CASP5: variants seen among roughly 807,000 people sequenced by gnomAD.
CASP5 encodes the protein caspase 5, also known as caspase-5.
Under a neutral mutation model 45.2 loss-of-function variants are expected in CASP5, and 42 were observed. The observed-to-expected ratio is 0.93, with a 90% CI of 0.73 to 1.20. The LOEUF is 1.20. CASP5 is among the 50% of genes most tolerant of loss of function. CASP5 has a pLI of 0.00. For missense variants in CASP5, 512 were observed against 532.2 expected, an observed-to-expected ratio of 0.96 and a Z score of 0.37; for synonymous variants, 209 against 186.2, an observed-to-expected ratio of 1.12 and a Z score of -1.00.
chr11:105,021,783 C>T (rs1202687585), intron 1 of CASP5, among the ~76,000 whole-genome samples: 2 of 150,282 alleles, frequency 1.3e-5, no homozygotes, highest in African/African-American at 4.9e-5. Context: ...CTAGAAATAC[C>T]ATTTGACCCA....
At chr11:105,007,735 C>T (rs1437960940) in intron 2 of CASP5, among the ~76,000 whole-genome samples, 1 of 152,106 alleles carries the variant, frequency 6.6e-6, no homozygotes, top group African/African-American at 2.4e-5. Context: ...CTAGACTATA[C>T]AATCTTGCCT....
At chr11:105,002,338 C>G in intron 4 of CASP5, 137 bp from the exon 5 acceptor site, 2 of 661,800 alleles carry the variant, frequency 3.0e-6, no homozygotes, top group Non-Finnish European at 5.3e-6. Context: ...CTGCCTTCCT[C>G]TCTCTCAAGA....
chr11:105,020,261 C>T (rs1248210519), intron 1 of CASP5, among the ~76,000 whole-genome samples: 2 of 151,326 alleles, frequency 1.3e-5, no homozygotes, highest in Non-Finnish European at 2.9e-5. Context: ...CAGGGATGCC[C>T]TCTCTCACCA....
At chr11:105,000,614 A>G in intron 5 of CASP5, 119 bp from the exon 6 acceptor site, 1 of 873,984 alleles carries the variant, frequency 1.1e-6, no homozygotes, top group Non-Finnish European at 1.8e-6. Context: ...TGCTTCACAT[A>G]GCGCTTACTC....
intron 1 of CASP5, among the ~76,000 whole-genome samples, chr11:105,016,711 C>T (rs1463896490): frequency 3.3e-5 from 5 of 152,206 alleles, no homozygotes; most frequent in African/African-American, 9.7e-5. Flanking sequence ...AACTGCAAGG[C>T]AGCAGCGAGG....
At chr11:104,996,012 C>T (rs909148450) in intron 8 of CASP5, among the ~76,000 whole-genome samples, 170 bp from the exon 9 acceptor site, 3 of 152,118 alleles carry the variant, frequency 2.0e-5, no homozygotes, top group African/African-American at 7.2e-5. Context: ...AGAATTGACA[C>T]CCCATGTCAT....
intron 1 of CASP5, among the ~76,000 whole-genome samples, chr11:105,014,640 T>A (rs189179683): frequency 4.6e-5 from 7 of 152,234 alleles, no homozygotes; most frequent in Non-Finnish European, 1.0e-4. Flanking sequence ...TAATAGACAA[T>A]AAGCACACAC....
chr11:105,010,136 A>G (rs1204230430), intron 1 of CASP5, among the ~76,000 whole-genome samples: 1 of 150,850 alleles, frequency 6.6e-6, no homozygotes, highest in African/African-American at 2.4e-5. Context: ...GACATTGAAC[A>G]AAATTTTGGC....
intron 8 of CASP5, 131 bp from the exon 9 acceptor site, chr11:104,995,973 A>C (rs776654663): frequency 3.4e-6 from 2 of 594,206 alleles, no homozygotes; most frequent in Admixed American, 5.9e-5. Flanking sequence ...TGGATATTCC[A>C]ACTCCTTAAC....
At position 105,006,060 on chromosome 11, in the gene CASP5, G is replaced by A. The variant is rs1331062733; in HGVS notation, c.433+1023C>T. The stretch of plus-strand genomic sequence containing the variant: ...CGTATGTGATTATTGGTAAGCTGTA[G>A]TAGTTCAGGGCTGAAGATTTCAGTT... On this transcript the variant is annotated intron_variant, in intron 3 of 9. Coordinates refer to ENST00000260315, the MANE Select transcript of CASP5 (RefSeq NM_004347.5). Among the ~76,000 whole-genome samples the A allele has an allele frequency of 5.3e-5, 8 of 152,244 alleles. No individual in the cohort carries two copies. In the East Asian group the frequency reaches 1.4e-3, roughly 26 times the overall value.
chr11:104,997,432 C>T lies in CASP5; in HGVS notation c.1157G>A (p.Cys386Tyr). ...GSIFITELIT[C>Y]FQKYSCCCHL... ...GCAGCAGCAAGAATATTTCTGGAAGCATGTGATGAGTTCCGTAATGAAGAT... is the reference window on the plus strand; with the variant it reads ...GCAGCAGCAAGAATATTTCTGGAAGTATGTGATGAGTTCCGTAATGAAGAT... Residue 386 changes from cysteine to tyrosine, a missense_variant, in exon 8 of 10, where the codon TGC (cysteine) becomes TAC (tyrosine). Transcript: ENST00000260315. 1 of 1,613,272 alleles carries T rather than the reference C, an allele frequency of 6.2e-7. No homozygotes were observed. Among genetic ancestry groups the T allele is most frequent in the Non-Finnish European group, 8.5e-7 (1 of 1,179,372 alleles).
intron 1 of CASP5, among the ~76,000 whole-genome samples, chr11:105,012,734 T>G (rs1307629641): frequency 7.7e-6 from 1 of 130,252 alleles, no homozygotes; most frequent in African/African-American, 2.7e-5. Context: ...TTAGAATGAT[T>G]AGAATGGGTA....
intron 7 of CASP5, among the ~76,000 whole-genome samples, chr11:104,998,039 A>T (rs1212828070): frequency 6.6e-6 from 1 of 152,208 alleles, no homozygotes; most frequent in Non-Finnish European, 1.5e-5. Flanking sequence ...ACTGTCTTAT[A>T]TACTTAAAAA....
intron 1 of CASP5, among the ~76,000 whole-genome samples, chr11:105,021,261 T>C (rs1862945273): frequency 1.3e-5 from 2 of 149,230 alleles, no homozygotes; most frequent in Non-Finnish European, 3.0e-5. Flanking sequence ...AAGGACTTCA[T>C]GTCTAAAACA....
At chr11:105,008,722 G>A (rs1374018143) in intron 2 of CASP5, 85 bp downstream of exon 2, 4 of 905,048 alleles carry the variant, frequency 4.4e-6, no homozygotes, top group Non-Finnish European at 7.0e-6. Context: ...GAGGATAGGG[G>A]GATCACAGAA....
chr11:105,008,244 T>C (rs1024976966), intron 2 of CASP5, among the ~76,000 whole-genome samples: 2 of 152,086 alleles, frequency 1.3e-5, no homozygotes, highest in African/African-American at 4.8e-5. Context: ...AATTTTTAGG[T>C]AATCATTAGT....
rs376003648 is a variant in CASP5, at chr11:105,010,145, G to A, written c.8-1165C>T. 7.4e-4 allele frequency among the ~76,000 whole-genome samples: 112 copies of A among 150,502 alleles called. 3 individuals carry two copies. In the South Asian group the frequency reaches 0.022, roughly 30 times the overall value. On this transcript the variant is annotated intron_variant, in intron 1 of 9. Coordinates refer to ENST00000260315, the MANE Select transcript of CASP5 (RefSeq NM_004347.5). ...TGTCAGGACATTGAACAAAATTTTG[G>A]CCTAGAAGCACCAGACTCATTTTCC...
chr11:105,001,910 A>G (rs553301860), intron 5 of CASP5, 118 bp downstream of exon 5: 99 of 884,010 alleles, frequency 1.1e-4, no homozygotes, highest in African/African-American at 1.1e-3. Flanking sequence ...ACACACACAC[A>G]CACACGCACA....
intron 6 of CASP5, 65 bp from the exon 7 acceptor site, chr11:104,999,093 C>T (rs1277253803): frequency 3.4e-5 from 49 of 1,428,750 alleles, no homozygotes; most frequent in East Asian, 4.6e-5. Context: ...AAATGCAGAA[C>T]GTGTAGGTTT....
Sources: allele counts gnomAD v4.1 joint callset (sites outside exome capture counted in the v4.1 genomes callset), GRCh38; gene constraint gnomAD v4.1.1; transcripts MANE v1.5; gene names NCBI Gene and HGNC (gene_info 2026-07-23, HGNC 2026-07-21).